SIK3: variants seen among roughly 807,000 people sequenced by gnomAD.
SIK3 encodes the protein serine/threonine-protein kinase SIK3.
In SIK3, 28 loss-of-function variants were observed where a neutral mutation model predicts 144.2. The ratio of observed to expected loss-of-function variants is 0.19; its 90% CI spans 0.14 to 0.27. SIK3 has a LOEUF of 0.27. Among genes scored for constraint, SIK3 ranks in the 10% least tolerant of loss-of-function variants. The pLI is 1.00. For missense variants in SIK3, 1,319 were observed against 1,776.0 expected, an observed-to-expected ratio of 0.74 and a Z score of 4.62; for synonymous variants, 686 against 676.3, an observed-to-expected ratio of 1.01 and a Z score of -0.22.
intron 1 of SIK3, among the ~76,000 whole-genome samples, chr11:117,096,699 C>T (rs1178064600): frequency 6.6e-6 from 1 of 152,086 alleles, no homozygotes; most frequent in Non-Finnish European, 1.5e-5. Flanking sequence ...CCACAGCCAC[C>T]CACCCTGACA....
At chr11:116,933,289 C>T (rs12270974) in intron 3 of SIK3, among the ~76,000 whole-genome samples, 11,328 of 151,900 alleles carry the variant, frequency 0.075, 525 homozygotes, top group African/African-American at 0.12. Flanking sequence ...TACAGGCGTG[C>T]GCCACCACAC....
chr11:116,964,838 C>T lies in SIK3; in HGVS notation c.274-7774G>A, dbSNP rs566083301. Among the ~76,000 whole-genome samples, 18 of 151,030 alleles carry T rather than the reference C, an allele frequency of 1.2e-4. No individual in the cohort carries two copies. The South Asian group carries it at 3.2e-3, about 26-fold the overall frequency. ...CGGAGGTTGCAGTGAGCCGAGATGGCGCCGCTGCACTCCAGCCAGGGCAAC... is the reference window on the plus strand; with the variant it reads ...CGGAGGTTGCAGTGAGCCGAGATGGTGCCGCTGCACTCCAGCCAGGGCAAC... On this transcript the variant is annotated intron_variant, in intron 1 of 24. Coordinates refer to ENST00000445177, the MANE Select transcript of SIK3 (RefSeq NM_001366686.3).
intron 1 of SIK3, among the ~76,000 whole-genome samples, chr11:117,038,700 G>A (rs1460560475): frequency 6.8e-6 from 1 of 146,490 alleles, no homozygotes; most frequent in Non-Finnish European, 1.5e-5. Context: ...TTTTACCTTT[G>A]TTAATAATCA....
At chr11:117,081,719 G>A (rs997425809) in intron 1 of SIK3, among the ~76,000 whole-genome samples, 1 of 152,200 alleles carries the variant, frequency 6.6e-6, no homozygotes, top group Non-Finnish European at 1.5e-5. Context: ...AGTACAGAAT[G>A]AGCACAGAGG....
chr11:116,859,703 G>T (rs1343500236), intron 19 of SIK3, 99 bp from the exon 20 acceptor site: 1 of 1,006,428 alleles, frequency 9.9e-7, no homozygotes, highest in South Asian at 1.6e-5. Flanking sequence ...ATACCAGCTA[G>T]AACAGTGCTT....
intron 12 of SIK3, 133 bp downstream of exon 12, chr11:116,873,770 C>A: frequency 6.8e-7 from 1 of 1,465,940 alleles, no homozygotes; most frequent in South Asian, 1.4e-5. Flanking sequence ...CCCGCTCACC[C>A]GAGCTACTTT....
chr11:116,962,000 T>C (rs904603289), intron 1 of SIK3, among the ~76,000 whole-genome samples: 11 of 152,212 alleles, frequency 7.2e-5, no homozygotes, highest in African/African-American at 2.7e-4. Flanking sequence ...AAAAACACAG[T>C]TCTTTTTAAC....
chr11:117,059,720 G>A (rs1448567601), intron 1 of SIK3, among the ~76,000 whole-genome samples: 1 of 152,120 alleles, frequency 6.6e-6, no homozygotes, highest in Non-Finnish European at 1.5e-5. Context: ...ATACCTCACC[G>A]ATATATACAG....
intron 1 of SIK3, among the ~76,000 whole-genome samples, chr11:116,961,385 G>GT (rs1949343360): frequency 6.6e-6 from 1 of 152,210 alleles, no homozygotes. Flanking sequence ...CAGACAGCAG[G>GT]TGGCTGGCAC....
rs11216164 is a variant in SIK3 at position 116,863,829 on chromosome 11, G to A, written c.1953-11C>T. 0.29 allele frequency: 456,783 copies of A among 1,590,200 alleles called. 73,104 individuals are homozygous for A. The highest frequency in any genetic ancestry group is 0.34 in the Non-Finnish European group (390,688 of 1,166,214). ...TCCTTGTAGGTAGAGCTGAATATAT[G>A]GGAAGAGAAGGTTAGAGGCTAGGAC... On this transcript the variant is annotated splice_polypyrimidine_tract_variant and intron_variant, in intron 15 of 24. Coordinates refer to ENST00000445177, the MANE Select transcript of SIK3 (RefSeq NM_001366686.3).
Position 116,951,639 on chromosome 11 carries a change from CTAA to C in SIK3, c.454+2402_454+2404del, listed in dbSNP as rs201844699. Among the ~76,000 whole-genome samples the C allele has an allele frequency of 2.6e-4, 40 of 152,274 alleles. No homozygotes were observed. In the East Asian group the frequency reaches 7.3e-3, roughly 28 times the overall value. ...GTCCAGGACCAAGAAACGGATCTCT[CTAA>C]TACTGCTTCCTGCTGGGTGCAGTAG... is the stretch of plus-strand genomic sequence containing the variant. On this transcript the variant is annotated intron_variant, in intron 3 of 24. Transcript: ENST00000445177.
chr11:116,938,087 C>T (rs1252966774), intron 3 of SIK3, among the ~76,000 whole-genome samples: 3 of 151,504 alleles, frequency 2.0e-5, no homozygotes, highest in East Asian at 3.9e-4. Context: ...TGCCTGTAGT[C>T]CCAGCTACTC....
intron 1 of SIK3, among the ~76,000 whole-genome samples, chr11:117,049,430 T>C (rs1486441825): frequency 6.6e-6 from 1 of 150,636 alleles, no homozygotes; most frequent in Non-Finnish European, 1.5e-5. Flanking sequence ...ATACAAAAAT[T>C]ACCCAAGCAT....
chr11:117,065,044 G>A (rs1953947699), intron 1 of SIK3, among the ~76,000 whole-genome samples: 1 of 152,060 alleles, frequency 6.6e-6, no homozygotes, highest in African/African-American at 2.4e-5. Flanking sequence ...AGCTACTCGG[G>A]AGGCTGAGGC....
chr11:116,892,585 G>A (rs1945187030), intron 6 of SIK3, among the ~76,000 whole-genome samples: 1 of 152,216 alleles, frequency 6.6e-6, no homozygotes, highest in Non-Finnish European at 1.5e-5. Flanking sequence ...TGACAAGGAT[G>A]TGGCGCAGCA....
At chr11:117,032,695 G>A (rs1309585538) in intron 1 of SIK3, among the ~76,000 whole-genome samples, 2 of 148,314 alleles carry the variant, frequency 1.3e-5, no homozygotes, top group Non-Finnish European at 3.0e-5. Flanking sequence ...TTTTTTAAAA[G>A]AGATGGGTTC....
chr11:116,868,115 T>C (rs1470503717), intron 14 of SIK3, 26 bp from the exon 15 acceptor site: 6 of 1,550,566 alleles, frequency 3.9e-6, no homozygotes, highest in African/African-American at 1.4e-5. Context: ...GCACATTTCA[T>C]AGTAAAAAAG....
chr11:116,867,329 A>T lies in SIK3; in HGVS notation c.1952+617T>A, dbSNP rs1217443408. ...GCTGCTTCCAGGCTTACTTGGAGTC[A>T]ATGAAGTTTTCTTGGTCAGGAAGGT... On this transcript the variant is annotated intron_variant, in intron 15 of 24. Coordinates refer to ENST00000445177, the MANE Select transcript of SIK3 (RefSeq NM_001366686.3). The surrounding 1 kb of genome is among the most constrained non-coding windows in gnomAD (Gnocchi z 4.1). Among the ~76,000 whole-genome samples the T allele has an allele frequency of 6.6e-6, 1 of 152,216 alleles. No homozygotes were observed. Among genetic ancestry groups the T allele is most frequent in the East Asian group, 1.9e-4 (1 of 5,206 alleles).
chr11:116,937,410 C>A (rs1050791676), intron 3 of SIK3, among the ~76,000 whole-genome samples: 3 of 152,082 alleles, frequency 2.0e-5, no homozygotes, highest in Non-Finnish European at 4.4e-5. Context: ...AGAATTGAAT[C>A]AAATAGAAGA....
Sources: gnomAD v4.1 joint callset for allele counts (sites outside exome capture counted in the v4.1 genomes callset) on GRCh38, gnomAD v4.1.1 for gene constraint, Gnocchi (gnomAD v3.1) non-coding constraint, MANE v1.5 for transcripts, NCBI Gene and HGNC (gene_info 2026-07-23, HGNC 2026-07-21) for gene names.